PFKL: variants seen among roughly 807,000 people sequenced by gnomAD.
PFKL encodes ATP-dependent 6-phosphofructokinase, liver type.
Under a neutral mutation model 92.1 loss-of-function variants are expected in PFKL, and 74 were observed. That is an observed-to-expected ratio of 0.80 (90% CI 0.67 to 0.97). The LOEUF (loss-of-function observed/expected upper bound fraction) is 0.97. PFKL is among the 50% of genes least tolerant of loss of function. The pLI, the probability that PFKL is intolerant of heterozygous loss-of-function variation, is 0.00. For missense variants in PFKL, 1,028 were observed against 1,116.6 expected (o/e 0.92, Z 1.13); for synonymous variants, 494 against 456.4 (o/e 1.08, Z -1.05).
intron 2 of PFKL, among the ~76,000 whole-genome samples, chr21:44,307,729 G>A (rs2146435133): frequency 6.6e-6 from 1 of 152,226 alleles, no homozygotes; most frequent in African/African-American, 2.4e-5. Flanking sequence ...CCAGGCTGGG[G>A]CCCTGCCAGT....
In PFKL at chr21:44,324,609, A is replaced by G. The variant is rs1309223074; in HGVS notation, c.1769A>G (p.Asp590Gly). The change falls in exon 17 of 22, where the codon GAC (aspartate) becomes GGC (glycine). Residue 590 changes from aspartate to glycine, a missense_variant. Asp to Gly is a moderately conservative substitution (Grantham distance 94, BLOSUM62 -1). Coordinates refer to ENST00000349048, the MANE Select transcript of PFKL (RefSeq NM_002626.6). ...GTGACTGGCATTGCTGTGGGGGCCG[A>G]CGCCGCCTACGTCTTCGAGGACCCT... is the stretch of plus-strand genomic sequence containing the variant. ...ATVTGIAVGA[D>G]AAYVFEDPFN... The G allele has an allele frequency of 6.2e-7, 1 of 1,610,768 alleles. No homozygotes were observed. Among genetic ancestry groups the G allele is most frequent in the Non-Finnish European group, 8.5e-7 (1 of 1,178,514 alleles).
chr21:44,306,861 T>G, intron 2 of PFKL, 107 bp downstream of exon 2: 1 of 956,834 alleles, frequency 1.0e-6, no homozygotes, highest in South Asian at 1.4e-5. Context: ...GGTCCTGGCC[T>G]GGAGGAGCTG....
intron 2 of PFKL, among the ~76,000 whole-genome samples, chr21:44,309,086 G>A (rs2041039280): frequency 6.6e-6 from 1 of 152,140 alleles, no homozygotes; most frequent in Non-Finnish European, 1.5e-5. Flanking sequence ...CTTGGAGGAG[G>A]CAGAGGGTCG....
At chr21:44,317,315 C>G (rs967333904) in intron 9 of PFKL, among the ~76,000 whole-genome samples, 11 of 152,116 alleles carry the variant, frequency 7.2e-5, no homozygotes, top group African/African-American at 2.7e-4. Context: ...TGTGCTGAGC[C>G]GAGCATTCCC....
chr21:44,310,052 C>T (rs939629978), intron 2 of PFKL, among the ~76,000 whole-genome samples: 1 of 152,350 alleles, frequency 6.6e-6, no homozygotes, highest in East Asian at 1.9e-4. Context: ...CTGGCATCCG[C>T]CCTGGCCGAG....
rs191952545 is a variant in PFKL, at chr21:44,326,638, G to T, written c.2196-77G>T. On this transcript the variant is annotated intron_variant, in intron 21 of 21. Coordinates refer to ENST00000349048, the MANE Select transcript of PFKL (RefSeq NM_002626.6). ...CACAGGCTGCAGGGTCGGGGGGGGT[G>T]GGGGGGCTGGGGACGTGGCTGAAGA... The T allele has an allele frequency of 5.0e-6, 6 of 1,197,484 alleles. No homozygotes were observed. In the East Asian group the frequency reaches 8.0e-5, roughly 16 times the overall value. 74.2% of individuals were successfully genotyped at this position (1,197,484 alleles called of 1,614,324 possible). A position where few individuals can be genotyped will look rare whatever the true frequency, so the allele number is the denominator to read the frequency against.
rs116480354 is a variant in PFKL at position 44,316,223 on chromosome 21, C to T, written c.748-21C>T. On this transcript the variant is annotated intron_variant, in intron 7 of 21. Transcript: ENST00000349048. Reference sequence around the variant, plus strand: ...AGGTTTCCCTGCCTGGCAGCTGAGCCCTGTCGTGTCTTTGACCCAGACTCG... The same window carrying T: ...AGGTTTCCCTGCCTGGCAGCTGAGCTCTGTCGTGTCTTTGACCCAGACTCG... 509 of 1,610,118 alleles carry T rather than the reference C, an allele frequency of 3.2e-4. No homozygotes were observed. In the African/African-American group the frequency reaches 5.8e-3, roughly 18 times the overall value.
In PFKL at chr21:44,319,475, A is replaced by G. The variant is rs1274263144; in HGVS notation, c.1127+60A>G. 6 of 1,420,480 alleles carry G rather than the reference A, an allele frequency of 4.2e-6. No individual in the cohort carries two copies. In the Admixed American group the frequency reaches 8.4e-5, roughly 20 times the overall value. 88.0% of individuals were successfully genotyped at this position (1,420,480 alleles called of 1,614,324 possible). On this transcript the variant is annotated intron_variant, in intron 11 of 21. Coordinates refer to ENST00000349048, the MANE Select transcript of PFKL (RefSeq NM_002626.6). ...TGGCTGGGTCCCGGTGCCAGGCAGC[A>G]TGTGCTGCAGTGGCGCTATGCACGC... is the stretch of plus-strand genomic sequence containing the variant.
chr21:44,302,493 C>T (rs2040806683), intron 1 of PFKL, among the ~76,000 whole-genome samples: 1 of 152,168 alleles, frequency 6.6e-6, no homozygotes, highest in Admixed American at 6.5e-5. Flanking sequence ...CCGTGTGGCT[C>T]CCCATGGTGG....
chr21:44,323,882 C>A lies in PFKL; in HGVS notation c.1614C>A (p.Ser538Arg). 1 of 1,613,568 alleles carries A rather than the reference C, an allele frequency of 6.2e-7. No individual in the cohort carries two copies. Among genetic ancestry groups the A allele is most frequent in the Non-Finnish European group, 8.5e-7 (1 of 1,179,960 alleles). The change falls in exon 16 of 22, where the codon AGC (serine) becomes AGA (arginine). Residue 538 changes from serine (S) to arginine (R), a missense_variant. By Grantham distance (110) the Ser-to-Arg change is moderately radical. Coordinates refer to ENST00000349048, the MANE Select transcript of PFKL (RefSeq NM_002626.6). ...ISNNVPGTDFSLGSDTAVNAA... is the reference protein window; with the variant it reads ...ISNNVPGTDFRLGSDTAVNAA... The stretch of plus-strand genomic sequence containing the variant: ...ACAACGTCCCTGGCACCGACTTCAG[C>A]CTGGGCTCCGACACTGCTGTAAATG...
intron 1 of PFKL, 50 bp downstream of exon 1, chr21:44,300,240 C>T (rs2040729046): frequency 5.6e-6 from 5 of 900,854 alleles, no homozygotes; most frequent in Non-Finnish European, 6.7e-6. Flanking sequence ...GAGGGCGCCT[C>T]CGCCCTGGCC....
chr21:44,312,977 G>C lies in PFKL; in HGVS notation c.428-1G>C. 6.2e-7 allele frequency: 1 copy of C among 1,612,680 alleles called. No individual in the cohort carries two copies. The highest frequency in any genetic ancestry group is 8.5e-7 in the Non-Finnish European group (1 of 1,179,742). On this transcript the variant is annotated splice_acceptor_variant, in intron 4 of 21. Coordinates refer to ENST00000349048, the MANE Select transcript of PFKL (RefSeq NM_002626.6). LOFTEE classifies it high-confidence loss of function. ...AGGTCCTCCTGCTGCTCCTGGCCCA[G>C]GTAAGATCTCAGAGACTACAGCCCG...
chr21:44,307,301 G>T, intron 2 of PFKL: 2 of 985,372 alleles, frequency 2.0e-6, no homozygotes, highest in Non-Finnish European at 2.4e-6. Flanking sequence ...GTCCCCGTGG[G>T]AGATTTGGGG....
Position 44,309,774 on chromosome 21 carries a change from T to G in PFKL, c.160-1232T>G, listed in dbSNP as rs548994673. On this transcript the variant is annotated intron_variant, in intron 2 of 21. Transcript: ENST00000349048. ...ACAACCAGAGGGGGCCAGGCTGGCC[T>G]GGCCTGAGCCGGAGGAAGTAGCTCT... is the stretch of plus-strand genomic sequence containing the variant. Among the ~76,000 whole-genome samples the G allele has an allele frequency of 5.7e-4, 87 of 152,278 alleles. No individual in the cohort carries two copies. In the East Asian group the frequency reaches 0.016, roughly 28 times the overall value.
In PFKL at chr21:44,313,044, T is replaced by C; in HGVS notation, c.494T>C (p.Ile165Thr). Residue 165 changes from isoleucine (I) to threonine (T), a missense_variant, in exon 5 of 22, where the codon ATC becomes ACC. Transcript: ENST00000349048. ...HLNIAGLVGS[I>T]DNDFCGTDMT... ...AACATCGCGGGCCTAGTGGGCTCCATCGATAACGACTTCTGCGGCACCGAC... is the reference window on the plus strand; with the variant it reads ...AACATCGCGGGCCTAGTGGGCTCCACCGATAACGACTTCTGCGGCACCGAC... 6.2e-7 allele frequency: 1 copy of C among 1,613,126 alleles called. No individual in the cohort carries two copies. The highest frequency in any genetic ancestry group is 8.5e-7 in the Non-Finnish European group (1 of 1,179,922).
intron 19 of PFKL, 88 bp downstream of exon 19, chr21:44,325,352 G>C: frequency 1.3e-6 from 1 of 795,938 alleles, no homozygotes; most frequent in South Asian, 1.4e-5. Context: ...GCCCTCACGG[G>C]CACCCACGGG....
At chr21:44,314,106 A>T in intron 7 of PFKL, 85 bp downstream of exon 7, 1 of 893,912 alleles carries the variant, frequency 1.1e-6, no homozygotes, top group Non-Finnish European at 1.8e-6. Context: ...AGCCTTGACC[A>T]ACTCATCTAT....
At position 44,326,770 on chromosome 21, in the gene PFKL, C is replaced by G. The variant is rs201634748; in HGVS notation, c.2251C>G (p.Leu751Val). The G allele has an allele frequency of 6.2e-7, 1 of 1,611,192 alleles. No individual in the cohort carries two copies. Among genetic ancestry groups the G allele is most frequent in the Non-Finnish European group, 8.5e-7 (1 of 1,179,230 alleles). Residue 751 changes from leucine (L) to valine (V), a missense_variant, in exon 22 of 22, where the codon CTG becomes GTG. Physicochemically the swap from Leu to Val is conservative, Grantham distance 32. Transcript: ENST00000349048. Reference protein sequence around the residue: ...WLSLRLMLKMLAQYRISMAAY... With the variant: ...WLSLRLMLKMVAQYRISMAAY... ...GAGCCTGCGGCTCATGCTGAAGATG[C>G]TGGCACAATACCGCATCAGTATGGC... is the stretch of plus-strand genomic sequence containing the variant.
intron 21 of PFKL, 133 bp downstream of exon 21, chr21:44,326,397 G>A: frequency 1.4e-6 from 1 of 713,968 alleles, no homozygotes; most frequent in Non-Finnish European, 2.4e-6. Context: ...CCATGCCCAG[G>A]TCCCCGCCAG....
Sources: gnomAD v4.1 joint callset for allele counts (sites outside exome capture counted in the v4.1 genomes callset) on GRCh38, gnomAD v4.1.1 for gene constraint, MANE v1.5 for transcripts, NCBI Gene and HGNC (gene_info 2026-07-23, HGNC 2026-07-21) for gene names.